Variants in PRDM5 observed in about 807,000 individuals in gnomAD.
PRDM5 encodes PR/SET domain 5.
A neutral mutation model predicts 81.2 loss-of-function variants in PRDM5; 56 were observed. The observed-to-expected ratio is 0.69, with a 90% CI of 0.56 to 0.86. The LOEUF is 0.86. Among genes scored for constraint, PRDM5 ranks in the 40% least tolerant of loss-of-function variants. The pLI is 0.00. For missense variants in PRDM5, 697 were observed against 770.1 expected (o/e 0.91, Z 1.12); for synonymous variants, 267 against 256.4 (o/e 1.04, Z -0.39).
Position 120,698,677 on chromosome 4 carries a change from CT to C in PRDM5, c.1729-3403del, listed in dbSNP as rs1734878675. Reference sequence around the variant, plus strand: ...CTAAAACTGAACTCAGAATTCTTGTCTTTCAAACCTAAGTCTCAAAAAATGG... The same window carrying C: ...CTAAAACTGAACTCAGAATTCTTGTCTTCAAACCTAAGTCTCAAAAAATGG... On this transcript the variant is annotated intron_variant, in intron 15 of 15. Transcript: ENST00000264808. Among the ~76,000 whole-genome samples, 4 of 152,166 alleles carry C rather than the reference CT, an allele frequency of 2.6e-5. No individual in the cohort carries two copies. In the South Asian group the frequency reaches 8.3e-4, roughly 31 times the overall value.
chr4:120,694,878 T>C lies in PRDM5; in HGVS notation c.*233A>G. 1 of 508,060 alleles carries C rather than the reference T, an allele frequency of 2.0e-6. No homozygotes were observed. Among genetic ancestry groups the C allele is most frequent in the Non-Finnish European group, 3.5e-6 (1 of 281,986 alleles). The allele number at this position is 508,060 out of a possible 1,614,324, so 31.5% of individuals were successfully genotyped here. Reference sequence around the variant, plus strand: ...CCATTTTTATAAGACAGAGCACAAGTTGCATTTTGCAAGGCTATGGAGTTG... The same window carrying C: ...CCATTTTTATAAGACAGAGCACAAGCTGCATTTTGCAAGGCTATGGAGTTG... On this transcript the variant is annotated 3_prime_UTR_variant, in exon 16 of 16. Coordinates refer to ENST00000264808, the MANE Select transcript of PRDM5 (RefSeq NM_018699.4).
chr4:120,725,343 T>C (rs998614757), intron 14 of PRDM5, among the ~76,000 whole-genome samples: 1 of 152,122 alleles, frequency 6.6e-6, no homozygotes, highest in Non-Finnish European at 1.5e-5. Flanking sequence ...TGAAAACTTT[T>C]GTAATATCTG....
chr4:120,910,032 T>G (rs1050902511), intron 1 of PRDM5, among the ~76,000 whole-genome samples: 5 of 151,434 alleles, frequency 3.3e-5, no homozygotes, highest in African/African-American at 1.2e-4. Context: ...CTGTATAAAT[T>G]TCTTCATATT....
At chr4:120,700,979 G>A (rs951444027) in intron 15 of PRDM5, among the ~76,000 whole-genome samples, 9 of 152,098 alleles carry the variant, frequency 5.9e-5, no homozygotes, top group Admixed American at 2.0e-4. Context: ...ACAAAAATTA[G>A]CTGGGTGCGG....
intron 14 of PRDM5, among the ~76,000 whole-genome samples, chr4:120,724,847 G>A (rs544798898): frequency 6.6e-6 from 1 of 152,276 alleles, no homozygotes; most frequent in East Asian, 1.9e-4. Context: ...ATGTCAACAG[G>A]TGAAACAAAA....
intron 14 of PRDM5, among the ~76,000 whole-genome samples, chr4:120,744,401 G>C (rs1578559513): frequency 1.3e-5 from 2 of 152,198 alleles, no homozygotes; most frequent in South Asian, 4.1e-4. Context: ...ACACTCAAAA[G>C]CTAGCAGGAG....
chr4:120,914,671 T>TC (rs1291370781), intron 1 of PRDM5, among the ~76,000 whole-genome samples: 1 of 152,146 alleles, frequency 6.6e-6, no homozygotes, highest in Non-Finnish European at 1.5e-5. Flanking sequence ...ATGCTTTGTA[T>TC]CAACTGCATT....
chr4:120,802,345 T>C (rs1752240688), intron 8 of PRDM5, among the ~76,000 whole-genome samples: 2 of 152,204 alleles, frequency 1.3e-5, no homozygotes, highest in Admixed American at 6.5e-5. Flanking sequence ...AGATGGGTGA[T>C]TTCTGCATTT....
At chr4:120,911,954 A>T (rs2148696424) in intron 1 of PRDM5, among the ~76,000 whole-genome samples, 1 of 152,296 alleles carries the variant, frequency 6.6e-6, no homozygotes, top group Admixed American at 6.5e-5. Context: ...CTGCCTTTTC[A>T]ATACTAACCA....
Position 120,816,882 on chromosome 4 carries a change from C to T in PRDM5, c.693G>A (p.Ser231=), listed in dbSNP as rs764509381. 6.8e-6 allele frequency: 11 copies of T among 1,613,614 alleles called. No individual in the cohort carries two copies. Among genetic ancestry groups the T allele is most frequent in the South Asian group, 1.1e-5 (1 of 91,076 alleles). ...TGCAAACAGAGCACTGAAAACTTCG[C>T]GAAGACTCCTTTAGACTGCTTTTCG... ...CTAKSSLKES[S]RSFQCSVCNS... is the part of the protein sequence containing the mutation. The change falls in exon 6 of 16, where the codon TCG becomes TCA. Residue 231 remains serine (S), a synonymous_variant. Transcript: ENST00000264808.
rs181477572 is a variant in PRDM5 at position 120,766,063 on chromosome 4, G to A, written c.1537+11125C>T. ...CAACCTCCACCACCTGGGTTCAAGC[G>A]ATTCTCCTGCCTCAGCCTCATGAGT... On this transcript the variant is annotated intron_variant, in intron 13 of 15. Coordinates refer to ENST00000264808, the MANE Select transcript of PRDM5 (RefSeq NM_018699.4). Among the ~76,000 whole-genome samples, 574 of 151,378 alleles carry A rather than the reference G, an allele frequency of 3.8e-3. 1 individual carries two copies. Among genetic ancestry groups the A allele is most frequent in the Non-Finnish European group, 6.7e-3 (455 of 67,920 alleles).
chr4:120,889,348 T>C (rs1004865374), intron 2 of PRDM5, among the ~76,000 whole-genome samples: 6 of 152,174 alleles, frequency 3.9e-5, no homozygotes, highest in African/African-American at 1.4e-4. Flanking sequence ...ATCATTAATG[T>C]TATTTTTGTC....
chr4:120,874,805 C>T (rs189041930), intron 2 of PRDM5, among the ~76,000 whole-genome samples: 32 of 152,330 alleles, frequency 2.1e-4, no homozygotes, highest in Non-Finnish European at 4.0e-4. Context: ...TCCCAGATTG[C>T]AGATTTTGTC....
chr4:120,844,403 G>A (rs1758414522), intron 3 of PRDM5, among the ~76,000 whole-genome samples: 1 of 152,126 alleles, frequency 6.6e-6, no homozygotes, highest in African/African-American at 2.4e-5. Flanking sequence ...GTTTCTTAGA[G>A]CCATTTCTCC....
rs778714450 is a variant in PRDM5 at position 120,853,539 on chromosome 4, A to C, written c.179T>G (p.Val60Gly). 1 of 1,613,640 alleles carries C rather than the reference A, an allele frequency of 6.2e-7. No homozygotes were observed. The highest frequency in any genetic ancestry group is 2.2e-5 in the East Asian group (1 of 44,874). The change falls in exon 3 of 16, where the codon GTT becomes GGT. Residue 60 changes from valine (V) to glycine (G), a missense_variant and splice_region_variant. By Grantham distance (109) the Val-to-Gly change is moderately radical (BLOSUM62 -3). Coordinates refer to ENST00000264808, the MANE Select transcript of PRDM5 (RefSeq NM_018699.4). ...CAAAACTTCTCCCTTACTCCCACGA[A>C]CCTGAAACATTAAAGGCTCCTGAGT... ...ENMDYRLMWE[V>G]RGSKGEVLYI...
At chr4:120,877,728 C>A (rs1180935714) in intron 2 of PRDM5, among the ~76,000 whole-genome samples, 1 of 152,142 alleles carries the variant, frequency 6.6e-6, no homozygotes, top group African/African-American at 2.4e-5. Flanking sequence ...TTGCTTGAAC[C>A]TAGGAGGCAG....
intron 14 of PRDM5, among the ~76,000 whole-genome samples, chr4:120,747,648 C>A (rs575856310): frequency 6.6e-6 from 1 of 152,200 alleles, no homozygotes; most frequent in South Asian, 2.1e-4. Flanking sequence ...GTCTGTTAAA[C>A]CCAGACCTAC....
chr4:120,707,359 G>T (rs548149338), intron 15 of PRDM5, among the ~76,000 whole-genome samples: 1 of 151,346 alleles, frequency 6.6e-6, no homozygotes, highest in African/African-American at 2.4e-5. Flanking sequence ...ATGCAGAAAA[G>T]GTATCTGAAA....
At chr4:120,802,707 C>A (rs567279457) in intron 8 of PRDM5, among the ~76,000 whole-genome samples, 9 of 152,126 alleles carry the variant, frequency 5.9e-5, no homozygotes, top group African/African-American at 1.9e-4. Flanking sequence ...CCCATCTGTA[C>A]GTCACCATCA....
Sources: allele counts gnomAD v4.1 joint callset (sites outside exome capture counted in the v4.1 genomes callset), GRCh38; gene constraint gnomAD v4.1.1; transcripts MANE v1.5; gene names NCBI Gene and HGNC (gene_info 2026-07-23, HGNC 2026-07-21).